Variants in CCSER1 observed in about 807,000 individuals in gnomAD.
CCSER1 encodes serine-rich coiled-coil domain-containing protein 1.
CCSER1 carries 41 observed loss-of-function variants against 82.0 expected under a neutral mutation model. That is an observed-to-expected ratio of 0.50 (90% CI 0.39 to 0.65). The LOEUF (loss-of-function observed/expected upper bound fraction) is 0.65. CCSER1 is among the 30% of genes least tolerant of loss of function. The probability of loss-of-function intolerance (pLI) is 0.00; values close to 1 mark genes in which losing one functional copy is unlikely to be tolerated. For synonymous variants in CCSER1, 414 were observed against 383.9 expected (o/e 1.08, Z -0.92); for missense variants, 1,119 against 1,064.2 (o/e 1.05, Z -0.72).
At chr4:90,703,127 T>C (rs187101485) in intron 6 of CCSER1, among the ~76,000 whole-genome samples, 15 of 152,330 alleles carry the variant, frequency 9.8e-5, no homozygotes, top group Admixed American at 2.6e-4. Flanking sequence ...TAAATTTCCC[T>C]CTACACACAG....
At chr4:90,954,479 A>T (rs1733228884) in intron 9 of CCSER1, among the ~76,000 whole-genome samples, 1 of 152,096 alleles carries the variant, frequency 6.6e-6, no homozygotes, top group Non-Finnish European at 1.5e-5. Flanking sequence ...TGATTATATT[A>T]GTGAATCACA....
chr4:90,795,242 G>A (rs559309298), intron 7 of CCSER1, among the ~76,000 whole-genome samples: 22 of 150,584 alleles, frequency 1.5e-4, no homozygotes, highest in Admixed American at 7.3e-4. Flanking sequence ...AGCCGAGATC[G>A]TGCCACTGCA....
In CCSER1 at chr4:91,405,974, T is replaced by C. The variant is rs565006827; in HGVS notation, c.2218-192598T>C. On this transcript the variant is annotated intron_variant, in intron 10 of 10. Coordinates refer to ENST00000509176, the MANE Select transcript of CCSER1 (RefSeq NM_001145065.2). ...ATTGCTCATGCTGGGAGCTGTAGAC[T>C]GGAGCTGTTCCTATTTGGCCATCTT... is the stretch of plus-strand genomic sequence containing the variant. Among the ~76,000 whole-genome samples, 5 of 152,332 alleles carry C rather than the reference T, an allele frequency of 3.3e-5. No homozygotes were observed. In the South Asian group the frequency reaches 8.3e-4, roughly 25 times the overall value.
At chr4:91,472,715 A>T (rs1235346555) in intron 10 of CCSER1, among the ~76,000 whole-genome samples, 1 of 152,160 alleles carries the variant, frequency 6.6e-6, no homozygotes, top group Non-Finnish European at 1.5e-5. Flanking sequence ...GGGACCCTTG[A>T]ATAATATAGA....
intron 7 of CCSER1, among the ~76,000 whole-genome samples, chr4:90,727,932 T>C (rs1743961177): frequency 6.6e-6 from 1 of 152,162 alleles, no homozygotes; most frequent in Admixed American, 6.6e-5. Context: ...CTGTGATAAA[T>C]TCAGCAGGAA....
intron 10 of CCSER1, among the ~76,000 whole-genome samples, chr4:91,538,391 A>G (rs1042233454): frequency 6.6e-6 from 1 of 151,962 alleles, no homozygotes; most frequent in South Asian, 2.1e-4. Flanking sequence ...GTTATGAATA[A>G]GTTTGTTCTG....
At chr4:91,088,009 C>A (rs1044740062) in intron 10 of CCSER1, among the ~76,000 whole-genome samples, 1 of 152,000 alleles carries the variant, frequency 6.6e-6, no homozygotes, top group Non-Finnish European at 1.5e-5. Flanking sequence ...ATGTTAAGGA[C>A]CTTGTGATCT....
At chr4:90,400,834 T>C (rs1752754836) in intron 4 of CCSER1, among the ~76,000 whole-genome samples, 2 of 152,210 alleles carry the variant, frequency 1.3e-5, no homozygotes. Flanking sequence ...AGTAAACATT[T>C]ACACTTAATT....
chr4:90,796,062 G>A (rs1022238245), intron 7 of CCSER1, among the ~76,000 whole-genome samples: 1 of 152,144 alleles, frequency 6.6e-6, no homozygotes, highest in African/African-American at 2.4e-5. Flanking sequence ...GTTTCAGGAA[G>A]AAACATACTG....
At chr4:90,418,838 T>C (rs1439085694) in intron 4 of CCSER1, among the ~76,000 whole-genome samples, 2 of 152,056 alleles carry the variant, frequency 1.3e-5, no homozygotes, top group African/African-American at 2.4e-5. Context: ...AGCATATACA[T>C]TGTGCTGACC....
intron 8 of CCSER1, among the ~76,000 whole-genome samples, chr4:90,882,506 C>G (rs371901371): frequency 2.0e-5 from 3 of 151,886 alleles, no homozygotes; most frequent in East Asian, 3.9e-4. Context: ...CCTGAACTGT[C>G]TATATCATAA....
intron 5 of CCSER1, among the ~76,000 whole-genome samples, chr4:90,507,961 A>G (rs1020015048): frequency 4.9e-4 from 74 of 152,154 alleles, no homozygotes; most frequent in African/African-American, 1.6e-3. Context: ...AAGCATGAAC[A>G]TAAAAGAACT....
chr4:91,309,950 C>T (rs942577471), intron 10 of CCSER1, among the ~76,000 whole-genome samples: 1 of 151,854 alleles, frequency 6.6e-6, no homozygotes, highest in Non-Finnish European at 1.5e-5. Flanking sequence ...ATTGGCAGGG[C>T]CTTCCTGCCT....
intron 9 of CCSER1, among the ~76,000 whole-genome samples, chr4:91,049,686 C>G (rs989602772): frequency 1.3e-5 from 2 of 152,132 alleles, no homozygotes; most frequent in Admixed American, 1.3e-4. Flanking sequence ...CATCTCTGCA[C>G]AAATGACCCA....
At position 91,199,829 on chromosome 4, in the gene CCSER1, G is replaced by GT. The variant is rs375557963; in HGVS notation, c.2217+113844dup. 4.7e-4 allele frequency among the ~76,000 whole-genome samples: 71 copies of GT among 150,364 alleles called. No homozygotes were observed. The Middle Eastern group carries it at 0.01, about 22-fold the overall frequency. On this transcript the variant is annotated intron_variant, in intron 10 of 10. Coordinates refer to ENST00000509176, the MANE Select transcript of CCSER1 (RefSeq NM_001145065.2). ...AAATTGGACATGTCAGTGATTATAGGTTTTTTTTTAAAATCTGAACATGAA... is the reference window on the plus strand; with the variant it reads ...AAATTGGACATGTCAGTGATTATAGGTTTTTTTTTTAAAATCTGAACATGAA...
chr4:91,299,223 A>T (rs1744465766), intron 10 of CCSER1, among the ~76,000 whole-genome samples: 1 of 152,008 alleles, frequency 6.6e-6, no homozygotes, highest in African/African-American at 2.4e-5. Flanking sequence ...ATTTGATGAG[A>T]TTACACTGAA....
At chr4:90,256,884 T>A (rs959329037) in intron 1 of CCSER1, among the ~76,000 whole-genome samples, 1 of 152,142 alleles carries the variant, frequency 6.6e-6, no homozygotes, top group Non-Finnish European at 1.5e-5. Context: ...TATATAACTT[T>A]TATTACAGTA....
In CCSER1 at chr4:90,520,729, C is replaced by T. The variant is rs549978451; in HGVS notation, c.1724+52375C>T. On this transcript the variant is annotated intron_variant, in intron 5 of 10. Transcript: ENST00000509176. ...ACTATGTCTTAAAAAAACAATTGTG[C>T]GCAAAGGAAGGAAGAAACATGTGAT... Among the ~76,000 whole-genome samples the T allele has an allele frequency of 2.4e-3, 365 of 151,986 alleles. 2 individuals carry two copies. The highest frequency in any genetic ancestry group is 8.3e-3 in the African/African-American group (346 of 41,444).
rs1726486389 is a variant in CCSER1 at position 90,271,854 on chromosome 4, A to ATG, written c.-41-36389_-41-36388insGT. 9.4e-4 allele frequency among the ~76,000 whole-genome samples: 24 copies of ATG among 25,668 alleles called. 1 individual carries two copies. The highest frequency in any genetic ancestry group is 0.014 in the Middle Eastern group (1 of 72). The allele number at this position is 25,668 out of a possible 152,430, so 16.8% of individuals were successfully genotyped here. On this transcript the variant is annotated intron_variant, in intron 1 of 10. Transcript: ENST00000509176. ...TATATATATATATATATATATATAT[A>ATG]TATATATATTTTTTTTTTTTTTTTT...
Sources: gnomAD v4.1 joint callset for allele counts (sites outside exome capture counted in the v4.1 genomes callset) on GRCh38, gnomAD v4.1.1 for gene constraint, MANE v1.5 for transcripts, NCBI Gene and HGNC (gene_info 2026-07-23, HGNC 2026-07-21) for gene names.